Variants in KCNQ1 observed in about 807,000 individuals in gnomAD.
KCNQ1 encodes potassium voltage-gated channel subfamily Q member 1.
A neutral mutation model predicts 72.4 loss-of-function variants in KCNQ1; 49 were observed. That is an observed-to-expected ratio of 0.68 (90% CI 0.54 to 0.86). KCNQ1 has a LOEUF of 0.86. Among genes scored for constraint, KCNQ1 ranks in the 40% least tolerant of loss-of-function variants. KCNQ1 has a pLI of 0.00. For synonymous variants in KCNQ1, 450 were observed against 412.6 expected (o/e 1.09, Z -1.10); for missense variants, 790 against 945.1 (o/e 0.84, Z 2.15).
Position 2,691,625 on chromosome 11 carries a change from T to G in KCNQ1, c.1514+29544T>G, listed in dbSNP as rs1850589315. The stretch of plus-strand genomic sequence containing the variant: ...CCTAGCTTGTTCCCTGCACGTACTG[T>G]GGGGAGGTCCTCTTTACCGCCACAG... On this transcript the variant is annotated intron_variant, in intron 11 of 15. Coordinates refer to ENST00000155840, the MANE Select transcript of KCNQ1 (RefSeq NM_000218.3). This position sits in a 1 kb window ranked among gnomAD's most constrained non-coding sequence, Gnocchi z 6.4. 1.5e-5 allele frequency: 6 copies of G among 398,386 alleles called. No individual in the cohort carries two copies. The South Asian group carries it at 6.4e-4, about 42-fold the overall frequency. The allele number at this position is 398,386 out of a possible 1,614,324, so 24.7% of individuals were successfully genotyped here. A position where few individuals can be genotyped will look rare whatever the true frequency, so the allele number is the denominator to read the frequency against.
At chr11:2,686,956 C>T (rs1293406506) in intron 11 of KCNQ1, 1 of 398,520 alleles carries the variant, frequency 2.5e-6, no homozygotes, top group Non-Finnish European at 4.4e-6. Flanking sequence ...CCCAGCTTAC[C>T]ATCCTGATGC....
At chr11:2,833,431 T>A (rs995375097) in intron 15 of KCNQ1, among the ~76,000 whole-genome samples, 2 of 152,054 alleles carry the variant, frequency 1.3e-5, no homozygotes, top group African/African-American at 2.4e-5. Flanking sequence ...ACTGCATAGA[T>A]GTGAGGGAGT....
rs143930071 is a variant in KCNQ1 at position 2,478,137 on chromosome 11, C to CAGCT, written c.386+32654_386+32657dup. 0.086 allele frequency among the ~76,000 whole-genome samples: 13,089 copies of CAGCT among 152,214 alleles called. 737 individuals carry two copies. Among genetic ancestry groups the CAGCT allele is most frequent in the East Asian group, 0.24 (1,257 of 5,170 alleles). On this transcript the variant is annotated intron_variant, in intron 1 of 15. Coordinates refer to ENST00000155840, the MANE Select transcript of KCNQ1 (RefSeq NM_000218.3). The surrounding 1 kb of genome is among the most constrained non-coding windows in gnomAD (Gnocchi z 4.0). Reference sequence around the variant, plus strand: ...GGTAGCAGAACTCCTGCCAAAGACACAGCTGTCCAGGGTCGAATCATCCGG... The same window carrying CAGCT: ...GGTAGCAGAACTCCTGCCAAAGACACAGCTAGCTGTCCAGGGTCGAATCATCCGG...
At position 2,620,220 on chromosome 11, in the gene KCNQ1, T is replaced by A. The variant is rs949590478; in HGVS notation, c.1393+31366T>A. On this transcript the variant is annotated intron_variant, in intron 10 of 15. Coordinates refer to ENST00000155840, the MANE Select transcript of KCNQ1 (RefSeq NM_000218.3). The surrounding 1 kb of genome is among the most constrained non-coding windows in gnomAD (Gnocchi z 4.5). ...TCATGTATATATATATATTTTTTTT[T>A]TTTATTTTTTTTTTAGACGGAGTTT... is the stretch of plus-strand genomic sequence containing the variant. 7.1e-5 allele frequency: 20 copies of A among 282,944 alleles called. 1 individual carries two copies. The highest frequency in any genetic ancestry group is 1.0e-3 in the Middle Eastern group (1 of 964). The allele number at this position is 282,944 out of a possible 1,614,324, so 17.5% of individuals were successfully genotyped here.
chr11:2,849,046 CACAG>C lies in KCNQ1; in HGVS notation c.*1048_*1051del, dbSNP rs1444030905. 8.8e-6 allele frequency: 4 copies of C among 454,164 alleles called. No individual in the cohort carries two copies. Among genetic ancestry groups the C allele is most frequent in the Non-Finnish European group, 1.8e-5 (4 of 226,800 alleles). 28.1% of individuals were successfully genotyped at this position (454,164 alleles called of 1,614,324 possible). The stretch of plus-strand genomic sequence containing the variant: ...TTCCTGGGGCATCCATGGGGTCTCT[CACAG>C]ACAGGACCCCTGCAGTTCCCCTGGA... On this transcript the variant is annotated 3_prime_UTR_variant, in exon 16 of 16. Coordinates refer to ENST00000155840, the MANE Select transcript of KCNQ1 (RefSeq NM_000218.3).
At position 2,762,815 on chromosome 11, in the gene KCNQ1, C is replaced by T. The variant is rs1445728273; in HGVS notation, c.1515-6029C>T. Among the ~76,000 whole-genome samples, 1 of 152,188 alleles carries T rather than the reference C, an allele frequency of 6.6e-6. No individual in the cohort carries two copies. The highest frequency in any genetic ancestry group is 1.5e-5 in the Non-Finnish European group (1 of 68,034). On this transcript the variant is annotated intron_variant, in intron 11 of 15. Coordinates refer to ENST00000155840, the MANE Select transcript of KCNQ1 (RefSeq NM_000218.3). The surrounding 1 kb of genome is among the most constrained non-coding windows in gnomAD (Gnocchi z 4.3). ...TGAAACCATCTCCCCCCACCCCACC[C>T]CGTCCACGGAAAAAGTGTCTTCCAC...
Position 2,676,813 on chromosome 11 carries a change from GA to G in KCNQ1, c.1514+14733del. 1 of 398,588 alleles carries G rather than the reference GA, an allele frequency of 2.5e-6. No individual in the cohort carries two copies. Among genetic ancestry groups the G allele is most frequent in the East Asian group, 3.6e-5 (1 of 28,078 alleles). The allele number at this position is 398,588 out of a possible 1,614,324, so 24.7% of individuals were successfully genotyped here. ...AGTGATGGCCAGTGTATTGTGCTGG[GA>G]TCTACCACAGGGGTCATGTTGTAAT... On this transcript the variant is annotated intron_variant, in intron 11 of 15. Transcript: ENST00000155840. The surrounding 1 kb of genome is among the most constrained non-coding windows in gnomAD (Gnocchi z 4.2).
chr11:2,777,558 T>G, intron 14 of KCNQ1: 1 of 542,268 alleles, frequency 1.8e-6, no homozygotes, highest in Non-Finnish European at 3.2e-6. Context: ...CCCTGGGGTT[T>G]CCCTAGCCCA....
chr11:2,813,076 C>T lies in KCNQ1; in HGVS notation c.1795-34691C>T, dbSNP rs926882074. ...AGAAGCTCTGAGAAGACAGAGCTGG[C>T]CAGCACCATCTCTCCTGTGAGAACC... On this transcript the variant is annotated intron_variant, in intron 15 of 15. Coordinates refer to ENST00000155840, the MANE Select transcript of KCNQ1 (RefSeq NM_000218.3). The surrounding 1 kb of genome is among the most constrained non-coding windows in gnomAD (Gnocchi z 4.4). Among the ~76,000 whole-genome samples the T allele has an allele frequency of 6.6e-6, 1 of 152,240 alleles. No individual in the cohort carries two copies. The highest frequency in any genetic ancestry group is 1.5e-5 in the Non-Finnish European group (1 of 68,042).
chr11:2,604,778 C>T (rs1254786711), intron 10 of KCNQ1, among the ~76,000 whole-genome samples: 1 of 152,042 alleles, frequency 6.6e-6, no homozygotes, highest in Non-Finnish European at 1.5e-5. Flanking sequence ...CTCCTGACCT[C>T]GTGATCCACC....
chr11:2,700,847 G>A (rs1286951562), intron 11 of KCNQ1, among the ~76,000 whole-genome samples: 5 of 150,212 alleles, frequency 3.3e-5, no homozygotes, highest in Non-Finnish European at 7.4e-5. Flanking sequence ...CCTCCGCGCC[G>A]CTGGCGCGCG....
At chr11:2,765,237 T>C (rs1846475800) in intron 11 of KCNQ1, among the ~76,000 whole-genome samples, 1 of 152,228 alleles carries the variant, frequency 6.6e-6, no homozygotes, top group Non-Finnish European at 1.5e-5. Flanking sequence ...TTGATTCTCA[T>C]TATATATTTT....
rs1849600790 is a variant in KCNQ1, at chr11:2,642,814, C to T, written c.1394-19147C>T. The T allele has an allele frequency of 1.3e-5, 5 of 397,544 alleles. No homozygotes were observed. The Admixed American group carries it at 1.3e-4, about 11-fold the overall frequency. The allele number at this position is 397,544 out of a possible 1,614,324, so 24.6% of individuals were successfully genotyped here. ...GAGGCATTTATTACAATAAACTTTC[C>T]TCTTAGCATTGCTTTTGCAGTATCC... On this transcript the variant is annotated intron_variant, in intron 10 of 15. Coordinates refer to ENST00000155840, the MANE Select transcript of KCNQ1 (RefSeq NM_000218.3). The surrounding 1 kb of genome is among the most constrained non-coding windows in gnomAD (Gnocchi z 4.3).
chr11:2,527,949 C>T lies in KCNQ1; in HGVS notation c.408C>T (p.Cys136=), dbSNP rs1334675056. 6.2e-7 allele frequency: 1 copy of T among 1,614,094 alleles called. No individual in the cohort carries two copies. The highest frequency in any genetic ancestry group is 2.2e-5 in the East Asian group (1 of 44,868). The part of the protein sequence containing the change: ...HFAVFLIVLV[C]LIFSVLSTIE... Reference sequence around the variant, plus strand: ...GCAGCTTCCTCATCGTCCTGGTCTGCCTCATCTTCAGCGTGCTGTCCACCA... The same window carrying T: ...GCAGCTTCCTCATCGTCCTGGTCTGTCTCATCTTCAGCGTGCTGTCCACCA... Residue 136 remains cysteine, a synonymous_variant, in exon 2 of 16, where the codon TGC becomes TGT. Transcript: ENST00000155840.
chr11:2,781,838 G>A lies in KCNQ1; in HGVS notation c.1794+3801G>A, dbSNP rs1052403878. Among the ~76,000 whole-genome samples, 2 of 152,124 alleles carry A rather than the reference G, an allele frequency of 1.3e-5. No homozygotes were observed. The highest frequency in any genetic ancestry group is 2.4e-5 in the African/African-American group (1 of 41,400). ...CAGGGGAGTCCTGGGTTTCCATGCC[G>A]CAGTTCAGAAAGCGTTGGGCGGGAA... On this transcript the variant is annotated intron_variant, in intron 15 of 15. Transcript: ENST00000155840. The surrounding 1 kb of genome is among the most constrained non-coding windows in gnomAD (Gnocchi z 6.6).
At chr11:2,649,801 G>A in intron 10 of KCNQ1, 1 of 398,384 alleles carries the variant, frequency 2.5e-6, no homozygotes, top group Non-Finnish European at 4.4e-6. Context: ...TCTATTTAGG[G>A]ATTTGTGAGC....
intron 15 of KCNQ1, among the ~76,000 whole-genome samples, chr11:2,800,251 G>C (rs1002071175): frequency 6.6e-6 from 1 of 152,246 alleles, no homozygotes; most frequent in Non-Finnish European, 1.5e-5. Flanking sequence ...AGTGGCCTGA[G>C]GGTGTGGGAG....
rs1235402967 is a variant in KCNQ1 at position 2,478,057 on chromosome 11, A to T, written c.386+32573A>T. ...CCACCCGAGCCAAGTGATCCAAGTT[A>T]ACATCACCAGGAATGGGACAGGCCA... On this transcript the variant is annotated intron_variant, in intron 1 of 15. Transcript: ENST00000155840. The surrounding 1 kb of genome is among the most constrained non-coding windows in gnomAD (Gnocchi z 4.0). Among the ~76,000 whole-genome samples the T allele has an allele frequency of 6.6e-6, 1 of 152,176 alleles. No individual in the cohort carries two copies. Among genetic ancestry groups the T allele is most frequent in the Non-Finnish European group, 1.5e-5 (1 of 68,042 alleles).
chr11:2,744,202 T>G (rs1846101388), intron 11 of KCNQ1, among the ~76,000 whole-genome samples: 2 of 152,264 alleles, frequency 1.3e-5, no homozygotes, highest in South Asian at 4.1e-4. Context: ...GCTTGCACCC[T>G]GCCTGTTTAG....
Sources: allele counts gnomAD v4.1 joint callset (sites outside exome capture counted in the v4.1 genomes callset), GRCh38; gene constraint gnomAD v4.1.1; non-coding constraint Gnocchi (gnomAD v3.1); transcripts MANE v1.5; gene names NCBI Gene and HGNC (gene_info 2026-07-23, HGNC 2026-07-21).